The following SEL1L3 variants were observed in gnomAD, a reference collection of about 807,000 sequenced individuals.
SEL1L3 encodes the protein protein sel-1 homolog 3.
In SEL1L3, 76 loss-of-function variants were observed where a neutral mutation model predicts 142.8. The ratio of observed to expected loss-of-function variants is 0.53; its 90% CI spans 0.44 to 0.64. The LOEUF (loss-of-function observed/expected upper bound fraction) is 0.64, where lower values mean the gene tolerates loss of function less well. SEL1L3 is among the 30% of genes least tolerant of loss of function. SEL1L3 has a pLI of 0.00. For synonymous variants in SEL1L3, 504 were observed against 519.6 expected, an observed-to-expected ratio of 0.97 and a Z score of 0.41; for missense variants, 1,262 against 1,381.7, an observed-to-expected ratio of 0.91 and a Z score of 1.37.
chr4:25,842,374 G>A (rs567752433), intron 2 of SEL1L3, among the ~76,000 whole-genome samples: 1 of 151,810 alleles, frequency 6.6e-6, no homozygotes, highest in Non-Finnish European at 1.5e-5. Flanking sequence ...GGGCGGTGTT[G>A]CTTCGTGGGC....
At chr4:25,731,469 A>T in the SEL1L3 span, among the ~76,000 whole-genome samples, 1 of 152,316 alleles carries the variant, frequency 6.6e-6, no homozygotes, top group African/African-American at 2.4e-5. Flanking sequence ...CACACCCAGA[A>T]GTTTGAAAAG....
At chr4:25,797,193 CAA>C (rs112741935) in intron 11 of SEL1L3, among the ~76,000 whole-genome samples, 2 of 140,846 alleles carry the variant, frequency 1.4e-5, no homozygotes, top group Admixed American at 7.1e-5. Context: ...AAAGGAAGAC[CAA>C]AAAAAAAAAA....
chr4:25,733,667 C>T, the SEL1L3 span, among the ~76,000 whole-genome samples: 405 of 151,942 alleles, frequency 2.7e-3, 3 homozygotes, highest in African/African-American at 9.1e-3. Flanking sequence ...ACTACAGGCG[C>T]GCACCACCGC....
At chr4:25,793,517 C>T (rs189238683) in intron 11 of SEL1L3, among the ~76,000 whole-genome samples, 70 of 151,768 alleles carry the variant, frequency 4.6e-4, no homozygotes, top group African/African-American at 1.7e-3. Context: ...AACTCCTGGG[C>T]TCAAACGTTT....
chr4:25,815,130 C>T (rs1338277656), intron 9 of SEL1L3, among the ~76,000 whole-genome samples: 1 of 152,202 alleles, frequency 6.6e-6, no homozygotes, highest in Non-Finnish European at 1.5e-5. Flanking sequence ...GAAGCAGAGG[C>T]TGTGGTGGCC....
rs7668958 is a variant in SEL1L3, at chr4:25,753,517, C to G, written c.3259+4017G>C. Among the ~76,000 whole-genome samples the G allele has an allele frequency of 7.9e-3, 1,197 of 152,336 alleles. 13 individuals carry two copies. Among genetic ancestry groups the G allele is most frequent in the African/African-American group, 0.027 (1,103 of 41,580 alleles). On this transcript the variant is annotated intron_variant, in intron 23 of 23. Coordinates refer to ENST00000399878, the MANE Select transcript of SEL1L3 (RefSeq NM_015187.5). ...TCCCTGTCTTCCCCCAGCTGTGGGG[C>G]AGGTCTCAGGACCTTGTGCACCAGC...
chr4:25,756,285 T>A (rs1717952896), intron 23 of SEL1L3: 1 of 984,860 alleles, frequency 1.0e-6, no homozygotes, highest in Non-Finnish European at 1.2e-6. Flanking sequence ...GAGACCGGAG[T>A]CGTCTGTGGG....
intron 11 of SEL1L3, among the ~76,000 whole-genome samples, chr4:25,794,334 A>G (rs370115612): frequency 1.3e-5 from 2 of 152,210 alleles, no homozygotes; most frequent in East Asian, 1.9e-4. Flanking sequence ...CAAGAAAAAA[A>G]ACCAAACAAC....
At chr4:25,778,777 TAAATA>T (rs1408065248) in intron 16 of SEL1L3, among the ~76,000 whole-genome samples, 6 of 151,878 alleles carry the variant, frequency 4.0e-5, no homozygotes, top group South Asian at 2.1e-4. Flanking sequence ...AAATAAAAAA[TAAATA>T]AAATAAAATA....
At chr4:25,765,879 T>C (rs1193547929) in intron 19 of SEL1L3, among the ~76,000 whole-genome samples, 2 of 151,760 alleles carry the variant, frequency 1.3e-5, no homozygotes, top group East Asian at 3.9e-4. Flanking sequence ...ACTCAAGCAA[T>C]CCTCCCACCT....
At chr4:25,732,239 T>C in the SEL1L3 span, among the ~76,000 whole-genome samples, 1 of 152,182 alleles carries the variant, frequency 6.6e-6, no homozygotes, top group Non-Finnish European at 1.5e-5. Context: ...CAAATAAAAA[T>C]ACAAGGCATC....
In SEL1L3 at chr4:25,788,215, G is replaced by T. The variant is rs754758919; in HGVS notation, c.2217+9C>A. 6.8e-6 allele frequency: 11 copies of T among 1,612,658 alleles called. No individual in the cohort carries two copies. The highest frequency in any genetic ancestry group is 9.3e-6 in the Non-Finnish European group (11 of 1,179,584). On this transcript the variant is annotated intron_variant, in intron 13 of 23. Coordinates refer to ENST00000399878, the MANE Select transcript of SEL1L3 (RefSeq NM_015187.5). This position sits in a 1 kb window ranked among gnomAD's most constrained non-coding sequence, Gnocchi z 5.3. Reference sequence around the variant, plus strand: ...TGCACAATTTCAGCACGAATTAAGTGATTCTTACCTTGAATAGCACAATGG... The same window carrying T: ...TGCACAATTTCAGCACGAATTAAGTTATTCTTACCTTGAATAGCACAATGG...
chr4:25,746,131 C>T (rs148062659), downstream of SEL1L3, among the ~76,000 whole-genome samples: 17 of 152,128 alleles, frequency 1.1e-4, no homozygotes, highest in African/African-American at 2.9e-4. Flanking sequence ...GGTTTAGCAC[C>T]GTCCTGTTGA....
At chr4:25,834,241 G>A (rs980864016) in intron 3 of SEL1L3, among the ~76,000 whole-genome samples, 1 of 152,166 alleles carries the variant, frequency 6.6e-6, no homozygotes, top group East Asian at 1.9e-4. Context: ...AATACCAGTA[G>A]CCAACTTAAC....
At position 25,833,570 on chromosome 4, in the gene SEL1L3, C is replaced by A; in HGVS notation, c.861-1G>T. The A allele has an allele frequency of 1.2e-6, 2 of 1,605,900 alleles. No individual in the cohort carries two copies. The highest frequency in any genetic ancestry group is 8.5e-7 in the Non-Finnish European group (1 of 1,176,886). ...ATAAAGCCACAATGAAACAGTAAAC[C>A]TATAAGAGTGAGGGGGAAAAAAATT... On this transcript the variant is annotated splice_acceptor_variant, in intron 3 of 23. Coordinates refer to ENST00000399878, the MANE Select transcript of SEL1L3 (RefSeq NM_015187.5). LOFTEE classifies it high-confidence loss of function.
At chr4:25,741,554 A>G in the SEL1L3 span, among the ~76,000 whole-genome samples, 1 of 151,984 alleles carries the variant, frequency 6.6e-6, no homozygotes, top group South Asian at 2.1e-4. Flanking sequence ...TGTGCTTTGA[A>G]TATTTTTTCT....
intron 9 of SEL1L3, among the ~76,000 whole-genome samples, chr4:25,817,333 C>T (rs1322914805): frequency 6.6e-6 from 1 of 152,202 alleles, no homozygotes; most frequent in African/African-American, 2.4e-5. Context: ...AGTTGCCTCC[C>T]ACCACTAAGA....
chr4:25,768,149 G>A lies in SEL1L3; in HGVS notation c.2670-319C>T, dbSNP rs569649683. On this transcript the variant is annotated intron_variant, in intron 17 of 23. Coordinates refer to ENST00000399878, the MANE Select transcript of SEL1L3 (RefSeq NM_015187.5). ...GTTCTTGAATCCTTCTTGCATCCTC[G>A]CTTAGAGGAGATAAATGGTGTTAAG... Among the ~76,000 whole-genome samples, 27 of 152,174 alleles carry A rather than the reference G, an allele frequency of 1.8e-4. No individual in the cohort carries two copies. The South Asian group carries it at 5.6e-3, about 32-fold the overall frequency.
Position 25,765,343 on chromosome 4 carries a change from G to C in SEL1L3, c.2938C>G (p.Leu980Val). 6.2e-7 allele frequency: 1 copy of C among 1,613,050 alleles called. No individual in the cohort carries two copies. Among genetic ancestry groups the C allele is most frequent in the South Asian group, 1.1e-5 (1 of 91,056 alleles). Residue 980 changes from leucine to valine, a missense_variant, in exon 20 of 24, where the codon CTG becomes GTG. Around this residue, in one of 3 missense-constraint regions of SEL1L3, gnomAD observed 435 missense variants for 559.2 expected, o/e 0.78. Transcript: ENST00000399878. ...LSVQMYAQAA[L>V]DGDSQGFFNL... ...CTGTTTACCTGGGAGTCTCCATCCAGGGCGGCTTGGGCGTACATCTGCACA... is the reference window on the plus strand; with the variant it reads ...CTGTTTACCTGGGAGTCTCCATCCACGGCGGCTTGGGCGTACATCTGCACA...
Sources: allele counts gnomAD v4.1 joint callset (sites outside exome capture counted in the v4.1 genomes callset), GRCh38; gene constraint gnomAD v4.1.1; regional missense constraint gnomAD v4.1.1; non-coding constraint Gnocchi (gnomAD v3.1); transcripts MANE v1.5; gene names NCBI Gene and HGNC (gene_info 2026-07-23, HGNC 2026-07-21).